RPTOR: variants seen among roughly 807,000 people sequenced by gnomAD.
RPTOR encodes regulatory-associated protein of mTOR.
RPTOR carries 21 observed loss-of-function variants against 169.9 expected under a neutral mutation model. The observed-to-expected ratio is 0.12, with a 90% CI of 0.09 to 0.18. The LOEUF (loss-of-function observed/expected upper bound fraction) is 0.18. Ranked by LOEUF, RPTOR falls within the 10% of genes least tolerant of loss-of-function variation. The pLI is 1.00. For missense variants in RPTOR, 1,133 were observed against 1,855.9 expected (o/e 0.61, Z 7.16); for synonymous variants, 732 against 753.2 (o/e 0.97, Z 0.46).
intron 3 of RPTOR, among the ~76,000 whole-genome samples, chr17:80,688,537 TCA>T (rs1567858537): frequency 6.6e-6 from 1 of 150,544 alleles, no homozygotes; most frequent in Non-Finnish European, 1.5e-5. Context: ...ACTCCAAACA[TCA>T]CAGCCTCACA....
chr17:80,881,442 G>A (rs1470164293), intron 14 of RPTOR, among the ~76,000 whole-genome samples: 1 of 152,252 alleles, frequency 6.6e-6, no homozygotes, highest in Non-Finnish European at 1.5e-5. Flanking sequence ...CGACTTGGGC[G>A]CGAGGGTGAG....
chr17:80,743,388 C>T, intron 5 of RPTOR: 1 of 985,504 alleles, frequency 1.0e-6, no homozygotes, highest in Non-Finnish European at 1.2e-6. Context: ...GATGTCTAAC[C>T]TGAGCCGTAG....
At chr17:80,821,617 G>A (rs186961853) in intron 7 of RPTOR, among the ~76,000 whole-genome samples, 96 of 152,232 alleles carry the variant, frequency 6.3e-4, no homozygotes, top group South Asian at 5.8e-3. Flanking sequence ...GTCATCTGCC[G>A]TCACTTGCCA....
chr17:80,775,774 A>C (rs1404050786), intron 6 of RPTOR, among the ~76,000 whole-genome samples: 1 of 152,218 alleles, frequency 6.6e-6, no homozygotes, highest in Non-Finnish European at 1.5e-5. Flanking sequence ...AAAAGGAAGA[A>C]ATGAAAGAAA....
intron 9 of RPTOR, among the ~76,000 whole-genome samples, chr17:80,834,992 C>T (rs541122032): frequency 5.3e-4 from 81 of 152,322 alleles, no homozygotes; most frequent in South Asian, 2.1e-3. Flanking sequence ...ATTGACTTTG[C>T]TTCTGTCTTA....
At chr17:80,701,079 AC>A (rs2066096947) in intron 3 of RPTOR, among the ~76,000 whole-genome samples, 6 of 152,010 alleles carry the variant, frequency 3.9e-5, no homozygotes, top group Admixed American at 3.9e-4. Flanking sequence ...ATGGTTAGTG[AC>A]CCCATCCATA....
chr17:80,623,350 T>A (rs2065369361), intron 1 of RPTOR, among the ~76,000 whole-genome samples: 1 of 152,180 alleles, frequency 6.6e-6, no homozygotes, highest in Non-Finnish European at 1.5e-5. Flanking sequence ...TTCTTATATA[T>A]CAGCAATTAT....
At chr17:80,551,297 T>G (rs2084341356) in intron 1 of RPTOR, among the ~76,000 whole-genome samples, 1 of 151,742 alleles carries the variant, frequency 6.6e-6, no homozygotes, top group Non-Finnish European at 1.5e-5. Flanking sequence ...AGAGACAAAG[T>G]ATAGAGAGAG....
chr17:80,703,944 T>C (rs1253187868), intron 3 of RPTOR, among the ~76,000 whole-genome samples: 1 of 152,218 alleles, frequency 6.6e-6, no homozygotes, highest in Non-Finnish European at 1.5e-5. Flanking sequence ...AAAACCTAAA[T>C]TTCATGTTTA....
At chr17:80,740,272 T>C (rs993679127) in intron 5 of RPTOR, among the ~76,000 whole-genome samples, 2 of 152,250 alleles carry the variant, frequency 1.3e-5, no homozygotes, top group Non-Finnish European at 2.9e-5. Context: ...GAATTTGTCA[T>C]TTAAAATTGT....
At chr17:80,638,104 A>C (rs2065522257) in intron 2 of RPTOR, among the ~76,000 whole-genome samples, 1 of 152,274 alleles carries the variant, frequency 6.6e-6, no homozygotes, top group Non-Finnish European at 1.5e-5. Flanking sequence ...GCAGTAGAAC[A>C]GAGACCAATA....
intron 7 of RPTOR, among the ~76,000 whole-genome samples, chr17:80,798,642 C>T (rs981703676): frequency 6.6e-6 from 1 of 152,094 alleles, no homozygotes; most frequent in Non-Finnish European, 1.5e-5. Context: ...GTCTTGGAAG[C>T]GACACCCTAT....
At chr17:80,587,075 A>T (rs2065067062) in intron 1 of RPTOR, among the ~76,000 whole-genome samples, 1 of 152,234 alleles carries the variant, frequency 6.6e-6, no homozygotes, top group Admixed American at 6.5e-5. Flanking sequence ...ATGCGGTGGA[A>T]TATCCAGAAA....
intron 25 of RPTOR, among the ~76,000 whole-genome samples, chr17:80,945,363 C>T (rs1361095695): frequency 9.2e-5 from 14 of 152,138 alleles, no homozygotes; most frequent in East Asian, 5.8e-4. Flanking sequence ...GAGGCCGAGG[C>T]GGGCAGATCA....
intron 9 of RPTOR, among the ~76,000 whole-genome samples, chr17:80,831,785 C>G (rs112360114): frequency 7.9e-5 from 12 of 151,626 alleles, no homozygotes; most frequent in Non-Finnish European, 1.6e-4. Context: ...CACTGTGTAT[C>G]CCTGTGTGTC....
rs561726768 is a variant in RPTOR, at chr17:80,631,781, G to T, written c.265+5988G>T. On this transcript the variant is annotated intron_variant, in intron 2 of 33. Transcript: ENST00000306801. ...TACAACAAATCAGAAAATTAGGAGG[G>T]CAGGGTGGCTGATTTTGAGATGACA... Among the ~76,000 whole-genome samples the T allele has an allele frequency of 3.5e-4, 54 of 152,226 alleles. No individual in the cohort carries two copies. The South Asian group carries it at 5.4e-3, about 15-fold the overall frequency.
At chr17:80,709,823 T>C (rs2066172316) in intron 4 of RPTOR, among the ~76,000 whole-genome samples, 1 of 152,176 alleles carries the variant, frequency 6.6e-6, no homozygotes, top group South Asian at 2.1e-4. Flanking sequence ...CTATCTGCTA[T>C]CCACTTCTCT....
At chr17:80,889,749 G>A (rs1484720337) in intron 17 of RPTOR, among the ~76,000 whole-genome samples, 1 of 152,242 alleles carries the variant, frequency 6.6e-6, no homozygotes, top group African/African-American at 2.4e-5. Context: ...TTTGCTGTGT[G>A]CCAGGCAGCA....
intron 11 of RPTOR, 24 bp from the exon 12 acceptor site, chr17:80,855,440 A>G (rs2067841706): frequency 6.3e-7 from 1 of 1,582,826 alleles, no homozygotes; most frequent in South Asian, 1.1e-5. Context: ...TTGCAGTGAT[A>G]CCATTTTCTT....
Sources: gnomAD v4.1 joint callset for allele counts (sites outside exome capture counted in the v4.1 genomes callset) on GRCh38, gnomAD v4.1.1 for gene constraint, MANE v1.5 for transcripts, NCBI Gene and HGNC (gene_info 2026-07-23, HGNC 2026-07-21) for gene names.